Variants in WDR1 observed in about 807,000 individuals in gnomAD.
WDR1 encodes the protein WD repeat-containing protein 1.
In WDR1, 21 loss-of-function variants were observed where a neutral mutation model predicts 71.9. The ratio of observed to expected loss-of-function variants is 0.29; its 90% confidence interval spans 0.21 to 0.42. The LOEUF (loss-of-function observed/expected upper bound fraction) is 0.42. Among genes scored for constraint, WDR1 ranks in the 10% least tolerant of loss-of-function variants. The probability of loss-of-function intolerance (pLI) is 1.00; values close to 1 mark genes in which losing one functional copy is unlikely to be tolerated. For missense variants in WDR1, 696 were observed against 824.5 expected (o/e 0.84, Z 1.91); for synonymous variants, 424 against 347.4 (o/e 1.22, Z -2.45).
At chr4:10,103,765 C>A (rs941204076) in intron 3 of WDR1, 131 bp downstream of exon 3, 8 of 575,318 alleles carry the variant, frequency 1.4e-5, no homozygotes, top group Admixed American at 2.8e-5. Flanking sequence ...AACTCACCAC[C>A]CCCAGCCTGC....
At chr4:10,107,228 C>T (rs1211792444) in intron 2 of WDR1, among the ~76,000 whole-genome samples, 1 of 152,194 alleles carries the variant, frequency 6.6e-6, no homozygotes, top group Non-Finnish European at 1.5e-5. Flanking sequence ...CATGCTGCTG[C>T]AGGCTGGGCC....
intron 2 of WDR1, among the ~76,000 whole-genome samples, chr4:10,111,315 C>A (rs905979974): frequency 2.6e-5 from 4 of 152,176 alleles, no homozygotes; most frequent in Admixed American, 2.6e-4. Context: ...CCCTTCGGTC[C>A]TCCCAGATGT....
chr4:10,085,023 C>G (rs576889341), intron 8 of WDR1, among the ~76,000 whole-genome samples: 1 of 152,242 alleles, frequency 6.6e-6, no homozygotes, highest in Non-Finnish European at 1.5e-5. Context: ...TCTCTCTGAT[C>G]ACTGTAAAAG....
chr4:10,093,737 C>A (rs1054824143), intron 5 of WDR1, among the ~76,000 whole-genome samples: 2 of 152,214 alleles, frequency 1.3e-5, no homozygotes, highest in Non-Finnish European at 2.9e-5. Flanking sequence ...AAGAGCAAGG[C>A]CAGTCGACAG....
chr4:10,084,002 C>T (rs1028658333), intron 9 of WDR1, among the ~76,000 whole-genome samples: 7 of 152,226 alleles, frequency 4.6e-5, no homozygotes, highest in Admixed American at 1.3e-4. Context: ...TCTCTGGGCT[C>T]TGGTTTTCCT....
At chr4:10,104,319 G>A (rs927406417) in intron 2 of WDR1, among the ~76,000 whole-genome samples, 2 of 152,172 alleles carry the variant, frequency 1.3e-5, no homozygotes, top group Non-Finnish European at 2.9e-5. Context: ...ATTAGAGCAA[G>A]AAGCCCTGGT....
At chr4:10,077,108 G>A (rs1764827576) in intron 14 of WDR1, 196 bp downstream of exon 14, 7 of 773,176 alleles carry the variant, frequency 9.1e-6, no homozygotes, top group East Asian at 2.8e-5. Flanking sequence ...TGGGGCCCCC[G>A]TGGTCCCTCA....
chr4:10,112,466 A>G (rs762041814), intron 2 of WDR1, among the ~76,000 whole-genome samples: 2 of 152,212 alleles, frequency 1.3e-5, no homozygotes, highest in Non-Finnish European at 2.9e-5. Context: ...CTTTCACTCT[A>G]CAGAGGAGAG....
rs781763569 is a variant in WDR1, at chr4:10,078,924, G to A, written c.1362C>T (p.His454=). 5.6e-6 allele frequency: 9 copies of A among 1,612,834 alleles called. No homozygotes were observed. The East Asian group carries it at 1.6e-4, about 28-fold the overall frequency. Residue 454 remains histidine, a synonymous_variant, in exon 12 of 15, where the codon CAC becomes CAT. Coordinates refer to ENST00000499869, the MANE Select transcript of WDR1 (RefSeq NM_017491.5). ...PGYEPEVVAV[H]PGGDTVAIGG... is the part of the protein sequence containing the mutation. ...CAATTGCCACCGTGTCCCCGCCGGG[G>A]TGCACTGCCACAACTTCGGGCTCGT...
At position 10,088,669 on chromosome 4, in the gene WDR1, C is replaced by G; in HGVS notation, c.631G>C (p.Gly211Arg). The change falls in exon 6 of 15, where the codon GGC (glycine) becomes CGC (arginine). Residue 211 changes from glycine to arginine, a missense_variant. Gly to Arg is a moderately radical substitution (Grantham distance 125). Coordinates refer to ENST00000499869, the MANE Select transcript of WDR1 (RefSeq NM_017491.5). ...GNRFATASAD[G>R]QIYIYDGKTG... ...AAACCCATCCCAGTTCTTACCTGGC[C>G]GTCAGCACTGGCTGTGGCAAATCTG... 6.2e-7 allele frequency: 1 copy of G among 1,604,774 alleles called. No individual in the cohort carries two copies. Among genetic ancestry groups the G allele is most frequent in the Non-Finnish European group, 8.5e-7 (1 of 1,175,544 alleles).
At chr4:10,114,506 T>C (rs1369730679) in intron 2 of WDR1, among the ~76,000 whole-genome samples, 2 of 152,224 alleles carry the variant, frequency 1.3e-5, no homozygotes, top group African/African-American at 2.4e-5. Flanking sequence ...GTACTTTATG[T>C]GAGGCCCCCT....
chr4:10,075,356 C>A lies in WDR1; in HGVS notation c.*22G>T. 6.2e-7 allele frequency: 1 copy of A among 1,607,218 alleles called. No individual in the cohort carries two copies. The highest frequency in any genetic ancestry group is 8.5e-7 in the Non-Finnish European group (1 of 1,174,190). ...AACTCTAGTCCCTGATTCGGTCCAT[C>A]CAGAGGCGGGGGTGGGGCTCCTCAG... On this transcript the variant is annotated 3_prime_UTR_variant, in exon 15 of 15. Coordinates refer to ENST00000499869, the MANE Select transcript of WDR1 (RefSeq NM_017491.5).
chr4:10,101,599 C>A (rs1033071824), intron 3 of WDR1, among the ~76,000 whole-genome samples: 1 of 152,262 alleles, frequency 6.6e-6, no homozygotes, highest in African/African-American at 2.4e-5. Flanking sequence ...TCAGGGAGGA[C>A]AGCGTCCCAC....
intron 9 of WDR1, 75 bp downstream of exon 9, chr4:10,084,368 T>A (rs1765127756): frequency 2.1e-6 from 3 of 1,429,636 alleles, no homozygotes; most frequent in South Asian, 2.4e-5. Flanking sequence ...TGGCCTGGCC[T>A]CTGGCATCAT....
At chr4:10,116,408 G>A (rs2108812896) in intron 1 of WDR1, 174 bp from the exon 2 acceptor site, 13 of 1,051,702 alleles carry the variant, frequency 1.2e-5, no homozygotes, top group Middle Eastern at 3.2e-4. Flanking sequence ...CCGCGCCCCG[G>A]GCCAGGCCCT....
intron 8 of WDR1, among the ~76,000 whole-genome samples, chr4:10,085,139 C>G (rs945089102): frequency 6.6e-6 from 1 of 152,234 alleles, no homozygotes; most frequent in African/African-American, 2.4e-5. Context: ...TTCCAGAGGG[C>G]GGCGTTTAGC....
chr4:10,088,535 G>A lies in WDR1; in HGVS notation c.636+129C>T, dbSNP rs73807208. 2,728 of 1,105,272 alleles carry A rather than the reference G, an allele frequency of 2.5e-3. 34 individuals are homozygous for A. In the African/African-American group the frequency reaches 0.037, roughly 15 times the overall value. 68.5% of individuals were successfully genotyped at this position (1,105,272 alleles called of 1,614,324 possible). ...TTTACTGGGCTCTGACGACGAGTCT[G>A]CAGATGTGGGGAGGGCGATGTCTAA... On this transcript the variant is annotated intron_variant, in intron 6 of 14. Transcript: ENST00000499869.
chr4:10,105,404 T>C (rs1578444499), intron 2 of WDR1, among the ~76,000 whole-genome samples: 2 of 152,228 alleles, frequency 1.3e-5, no homozygotes, highest in Admixed American at 1.3e-4. Context: ...TGTGATATAA[T>C]AGACACCAGT....
At chr4:10,098,437 C>T (rs1386454067) in intron 4 of WDR1, among the ~76,000 whole-genome samples, 1 of 152,216 alleles carries the variant, frequency 6.6e-6, no homozygotes, top group Non-Finnish European at 1.5e-5. Flanking sequence ...TTATGGCCAG[C>T]CATGGTGCTG....
Sources: gnomAD v4.1 joint callset for allele counts (sites outside exome capture counted in the v4.1 genomes callset) on GRCh38, gnomAD v4.1.1 for gene constraint, MANE v1.5 for transcripts, NCBI Gene and HGNC (gene_info 2026-07-23, HGNC 2026-07-21) for gene names.